NKIRAS1: variants seen among roughly 807,000 people sequenced by gnomAD.
NKIRAS1 encodes NF-kappa-B inhibitor-interacting Ras-like protein 1.
NKIRAS1 carries 16 observed loss-of-function variants against 19.8 expected under a neutral mutation model. The ratio of observed to expected loss-of-function variants is 0.81; its 90% CI spans 0.55 to 1.23. NKIRAS1 has a LOEUF of 1.23. NKIRAS1 is among the 50% of genes most tolerant of loss of function. NKIRAS1 has a pLI of 0.00. For synonymous variants in NKIRAS1, 88 were observed against 79.0 expected (o/e 1.11, Z -0.61); for missense variants, 184 against 220.0 (o/e 0.84, Z 1.04).
At chr3:23,915,777 A>G (rs1575111171) in intron 1 of NKIRAS1, among the ~76,000 whole-genome samples, 1 of 151,600 alleles carries the variant, frequency 6.6e-6, no homozygotes, top group South Asian at 2.1e-4. Context: ...TCAGACCCCT[A>G]CTCTTACTCC....
chr3:23,936,974 G>A (rs1705405668), intron 1 of NKIRAS1, among the ~76,000 whole-genome samples: 1 of 152,208 alleles, frequency 6.6e-6, no homozygotes, highest in South Asian at 2.1e-4. Flanking sequence ...CGCTGCACTT[G>A]GAGAATTCAC....
rs71622762 is a variant in NKIRAS1 at position 23,928,291 on chromosome 3, AAAATAAAT to A, written c.-139-16849_-139-16842del. 3.2e-3 allele frequency among the ~76,000 whole-genome samples: 466 copies of A among 144,762 alleles called. 3 individuals carry two copies. Among genetic ancestry groups the A allele is most frequent in the South Asian group, 0.013 (57 of 4,472 alleles). The allele number at this position is 144,762 out of a possible 152,430, so 95.0% of individuals were successfully genotyped here. ...GGCAACAGAGCAAGACTCTGTCTCA[AAAATAAAT>A]AAATAAATAAATAAATAAATAAATA... On this transcript the variant is annotated intron_variant, in intron 1 of 4. Transcript: ENST00000421515.
intron 4 of NKIRAS1, among the ~76,000 whole-genome samples, chr3:23,899,881 A>T (rs1021530748): frequency 2.0e-5 from 3 of 152,228 alleles, no homozygotes; most frequent in Non-Finnish European, 4.4e-5. Flanking sequence ...AAGCCCAAGG[A>T]GGGCAGGCAT....
rs1264630054 is a variant in NKIRAS1 at position 23,890,161 on chromosome 3, TG to T, written c.*2933del. Among the ~76,000 whole-genome samples the T allele has an allele frequency of 6.6e-6, 1 of 152,172 alleles. No individual in the cohort carries two copies. Among genetic ancestry groups the T allele is most frequent in the Non-Finnish European group, 1.5e-5 (1 of 68,034 alleles). On this transcript the variant is annotated 3_prime_UTR_variant, in exon 5 of 5. Transcript: ENST00000425478. Reference sequence around the variant, plus strand: ...GAGCTAAGGGTCACATGAACACAGCTGGATGTTCATTGCAGTCTGAAGCCTT... The same window carrying T: ...GAGCTAAGGGTCACATGAACACAGCTGATGTTCATTGCAGTCTGAAGCCTT...
chr3:23,921,467 G>A, upstream of NKIRAS1: 1 of 623,394 alleles, frequency 1.6e-6, no homozygotes, highest in Non-Finnish European at 2.8e-6. Context: ...CCAATATTAA[G>A]GGTCACTTTA....
At chr3:23,931,057 T>C (rs1003140281) in intron 1 of NKIRAS1, among the ~76,000 whole-genome samples, 4 of 90,086 alleles carry the variant, frequency 4.4e-5, no homozygotes, top group African/African-American at 1.5e-4. Flanking sequence ...TCACAGGATA[T>C]AATGAAGTTG....
chr3:23,901,505 A>G (rs1460901708), intron 3 of NKIRAS1, among the ~76,000 whole-genome samples: 1 of 152,188 alleles, frequency 6.6e-6, no homozygotes, highest in African/African-American at 2.4e-5. Flanking sequence ...CTTTTAAAAA[A>G]TATTTCTTCT....
Position 23,890,598 on chromosome 3 carries a change from G to A in NKIRAS1, c.*2497C>T. The stretch of plus-strand genomic sequence containing the variant: ...GGCCAGACAGTGGACCAAGAGATAC[G>A]CTACATAAATTGGGGTTTCACAATT... On this transcript the variant is annotated 3_prime_UTR_variant, in exon 5 of 5. Transcript: ENST00000425478. The A allele has an allele frequency of 1.2e-6, 2 of 1,612,918 alleles. No homozygotes were observed. The highest frequency in any genetic ancestry group is 1.7e-6 in the Non-Finnish European group (2 of 1,179,526).
chr3:23,930,752 T>C lies in NKIRAS1; in HGVS notation c.-140+15571A>G, dbSNP rs554092051. 5.3e-5 allele frequency among the ~76,000 whole-genome samples: 8 copies of C among 152,314 alleles called. No homozygotes were observed. The South Asian group carries it at 1.7e-3, about 32-fold the overall frequency. ...GTCGTACTCTGTCACCCAGGCACAA[T>C]TGTGCAGTGACACAATCATGGCTCA... On this transcript the variant is annotated intron_variant, in intron 1 of 4. Transcript: ENST00000421515.
rs1704176917 is a variant in NKIRAS1, at chr3:23,914,972, C to A, written c.-140+1812G>T. On this transcript the variant is annotated intron_variant, in intron 1 of 4. Coordinates refer to ENST00000425478, the MANE Select transcript of NKIRAS1 (RefSeq NM_020345.4). Reference sequence around the variant, plus strand: ...AATACATACAGGGCTGCACTACTTACCATTTTCATCACTACTGAAGTGGTC... The same window carrying A: ...AATACATACAGGGCTGCACTACTTAACATTTTCATCACTACTGAAGTGGTC... Among the ~76,000 whole-genome samples the A allele has an allele frequency of 2.0e-5, 3 of 152,222 alleles. No homozygotes were observed. The South Asian group carries it at 6.2e-4, about 31-fold the overall frequency.
chr3:23,936,635 C>T (rs899997190), intron 1 of NKIRAS1, among the ~76,000 whole-genome samples: 1 of 152,126 alleles, frequency 6.6e-6, no homozygotes, highest in African/African-American at 2.4e-5. Context: ...CAACCTCTAC[C>T]TCCTGGGTTC....
chr3:23,940,048 T>C (rs895213316), intron 1 of NKIRAS1, among the ~76,000 whole-genome samples: 1 of 151,564 alleles, frequency 6.6e-6, no homozygotes, highest in Admixed American at 6.6e-5. Context: ...ATTTAAAAAC[T>C]GACCGGGTGC....
chr3:23,906,123 C>A (rs1361914416), intron 3 of NKIRAS1, among the ~76,000 whole-genome samples: 5 of 135,590 alleles, frequency 3.7e-5, no homozygotes, highest in Non-Finnish European at 7.6e-5. Flanking sequence ...CGTGCCACTG[C>A]ACTCCACCCT....
chr3:23,917,507 A>G, upstream of NKIRAS1: 1 of 183,694 alleles, frequency 5.4e-6, no homozygotes, highest in Non-Finnish European at 1.1e-5. Context: ...CGGTGGCCGC[A>G]GCAGTACCTT....
chr3:23,935,681 G>T (rs561043001), intron 1 of NKIRAS1, among the ~76,000 whole-genome samples: 9 of 152,068 alleles, frequency 5.9e-5, no homozygotes, highest in Non-Finnish European at 8.8e-5. Context: ...TTCCACCTTG[G>T]CTTCCCAAAG....
chr3:23,925,284 A>T lies in NKIRAS1; in HGVS notation c.-139-13834T>A, dbSNP rs1705194134. Among the ~76,000 whole-genome samples the T allele has an allele frequency of 1.3e-5, 2 of 152,208 alleles. 1 individual carries two copies. The highest frequency in any genetic ancestry group is 4.1e-4 in the South Asian group (2 of 4,830). On this transcript the variant is annotated intron_variant, in intron 1 of 4. Coordinates refer to the NKIRAS1 transcript ENST00000421515. Reference sequence around the variant, plus strand: ...ACCAGCGCAGTCCACACTGGTAGAGAGAGTATTTTGTCACTGACATTGCTT... The same window carrying T: ...ACCAGCGCAGTCCACACTGGTAGAGTGAGTATTTTGTCACTGACATTGCTT...
At chr3:23,929,774 T>C (rs549492920) in intron 1 of NKIRAS1, among the ~76,000 whole-genome samples, 1 of 152,296 alleles carries the variant, frequency 6.6e-6, no homozygotes, top group East Asian at 1.9e-4. Flanking sequence ...ATTTGTGGGA[T>C]GCCCAGACTT....
upstream of NKIRAS1, chr3:23,917,722 C>A: frequency 1.1e-6 from 1 of 919,474 alleles, no homozygotes; most frequent in Non-Finnish European, 1.6e-6. Flanking sequence ...CTGTCCCCGG[C>A]AGTTGGTGCA....
chr3:23,908,683 C>A (rs1703321487), intron 3 of NKIRAS1, among the ~76,000 whole-genome samples: 1 of 151,704 alleles, frequency 6.6e-6, no homozygotes, highest in South Asian at 2.1e-4. Flanking sequence ...TTTTCCTTTT[C>A]TTTTTTTCTT....
Sources: allele counts gnomAD v4.1 joint callset (sites outside exome capture counted in the v4.1 genomes callset), GRCh38; gene constraint gnomAD v4.1.1; transcripts MANE v1.5; gene names NCBI Gene and HGNC (gene_info 2026-07-23, HGNC 2026-07-21).